PLEKHA2: variants seen among roughly 807,000 people sequenced by gnomAD.
The protein encoded by PLEKHA2 is pleckstrin homology domain containing A2.
A neutral mutation model predicts 53.2 loss-of-function variants in PLEKHA2; 28 were observed. The ratio of observed to expected loss-of-function variants is 0.53; its 90% CI spans 0.39 to 0.72. The LOEUF is 0.72. PLEKHA2 is among the 30% of genes least tolerant of loss of function. The probability of loss-of-function intolerance (pLI) is 0.00; values close to 1 mark genes in which losing one functional copy is unlikely to be tolerated. For missense variants in PLEKHA2, 426 were observed against 537.9 expected, an observed-to-expected ratio of 0.79 and a Z score of 2.06; for synonymous variants, 193 against 196.4, an observed-to-expected ratio of 0.98 and a Z score of 0.14.
At chr8:38,920,684 C>T (rs1834169967) in intron 2 of PLEKHA2, among the ~76,000 whole-genome samples, 1 of 152,024 alleles carries the variant, frequency 6.6e-6, no homozygotes. Flanking sequence ...CCTCAGCCTC[C>T]CATGTAGCTG....
chr8:38,934,070 TG>T (rs1014466226), intron 2 of PLEKHA2, among the ~76,000 whole-genome samples: 1 of 151,840 alleles, frequency 6.6e-6, no homozygotes. Flanking sequence ...TTTAGATAGG[TG>T]GGGTTAGAAG....
intron 3 of PLEKHA2, among the ~76,000 whole-genome samples, chr8:38,936,977 C>T (rs1834507173): frequency 6.6e-6 from 1 of 152,176 alleles, no homozygotes; most frequent in Non-Finnish European, 1.5e-5. Flanking sequence ...CCTGGGGGCC[C>T]CTGAGCCAAG....
At position 38,962,999 on chromosome 8, in the gene PLEKHA2, G is replaced by A. The variant is rs182223044; in HGVS notation, c.838-5593G>A. Among the ~76,000 whole-genome samples, 164 of 152,320 alleles carry A rather than the reference G, an allele frequency of 1.1e-3. 1 individual carries two copies. The highest frequency in any genetic ancestry group is 3.9e-3 in the African/African-American group (162 of 41,576). On this transcript the variant is annotated intron_variant, in intron 10 of 11. Coordinates refer to ENST00000617275, the MANE Select transcript of PLEKHA2 (RefSeq NM_021623.2). ...TTGCAGAGGTGGAGAACAGAATGAA[G>A]GAGGAGTTGCCTAAAAATTTTGGAT... is the stretch of plus-strand genomic sequence containing the variant.
intron 1 of PLEKHA2, among the ~76,000 whole-genome samples, chr8:38,908,337 A>G (rs538742441): frequency 6.6e-6 from 1 of 152,336 alleles, no homozygotes; most frequent in Non-Finnish European, 1.5e-5. Flanking sequence ...GCAGGTAGAT[A>G]TCTGGCTCTT....
intron 2 of PLEKHA2, among the ~76,000 whole-genome samples, chr8:38,924,540 T>G (rs763637353): frequency 6.6e-6 from 1 of 152,192 alleles, no homozygotes; most frequent in Non-Finnish European, 1.5e-5. Context: ...GGGTGAGTCA[T>G]GCCTCAGCCT....
rs1835262007 is a variant in PLEKHA2 at position 38,972,134 on chromosome 8, C to T, written c.*2351C>T. On this transcript the variant is annotated 3_prime_UTR_variant, in exon 12 of 12. Coordinates refer to ENST00000617275, the MANE Select transcript of PLEKHA2 (RefSeq NM_021623.2). ...GACTGTCAAATGGAAATCTTCTTGT[C>T]AATTGGCAAACACTTGGGAATTCCA... 6.6e-6 allele frequency: 1 copy of T among 151,976 alleles called. No individual in the cohort carries two copies. 9.4% of individuals were successfully genotyped at this position (151,976 alleles called of 1,614,324 possible).
chr8:38,935,377 A>G (rs753599034), intron 2 of PLEKHA2, among the ~76,000 whole-genome samples: 10 of 151,912 alleles, frequency 6.6e-5, no homozygotes, highest in Non-Finnish European at 1.3e-4. Context: ...TATTTTACAG[A>G]AGGAAAAACT....
At chr8:38,959,096 A>G (rs752916899) in intron 10 of PLEKHA2, among the ~76,000 whole-genome samples, 8 of 152,152 alleles carry the variant, frequency 5.3e-5, no homozygotes, top group Non-Finnish European at 1.2e-4. Context: ...AGTAATCGAA[A>G]TGTATTACAG....
chr8:38,932,711 G>C (rs1834416441), intron 2 of PLEKHA2, among the ~76,000 whole-genome samples: 2 of 152,234 alleles, frequency 1.3e-5, no homozygotes, highest in Non-Finnish European at 2.9e-5. Context: ...AGTGGACCCT[G>C]AGCGTCACTT....
At chr8:38,942,324 G>A (rs1040889324) in intron 3 of PLEKHA2, among the ~76,000 whole-genome samples, 2 of 152,144 alleles carry the variant, frequency 1.3e-5, no homozygotes, top group African/African-American at 4.8e-5. Flanking sequence ...GATCACTTCA[G>A]TCTGAGAAGT....
chr8:38,934,410 C>T (rs9650345), intron 2 of PLEKHA2, among the ~76,000 whole-genome samples: 8,876 of 152,156 alleles, frequency 0.058, 308 homozygotes, highest in East Asian at 0.13. Flanking sequence ...GAGAGGACCC[C>T]AGGTAATGGG....
At chr8:38,942,474 T>G (rs1371952734) in intron 3 of PLEKHA2, among the ~76,000 whole-genome samples, 2 of 151,860 alleles carry the variant, frequency 1.3e-5, no homozygotes, top group African/African-American at 4.8e-5. Context: ...CACAAACAAA[T>G]AAAATAAAGT....
rs1834807054 is a variant in PLEKHA2 at position 38,950,397 on chromosome 8, C to T, written c.346-453C>T. Among the ~76,000 whole-genome samples, 3 of 152,336 alleles carry T rather than the reference C, an allele frequency of 2.0e-5. No homozygotes were observed. In the East Asian group the frequency reaches 5.8e-4, roughly 29 times the overall value. ...TCTCCCTGCCTTCTCCTCTAGAGAC[C>T]TCCCTGCCCACTCTGTTTCCAGCAG... On this transcript the variant is annotated intron_variant, in intron 5 of 11. Transcript: ENST00000617275.
At chr8:38,960,892 A>C (rs2129423951) in intron 10 of PLEKHA2, 1 of 152,372 alleles carries the variant, frequency 6.6e-6, no homozygotes, top group Middle Eastern at 3.4e-3. Flanking sequence ...TCCATTGGTC[A>C]ATTTTGCACT....
chr8:38,913,107 T>C (rs1175080706), intron 1 of PLEKHA2, among the ~76,000 whole-genome samples: 1 of 152,174 alleles, frequency 6.6e-6, no homozygotes, highest in Non-Finnish European at 1.5e-5. Flanking sequence ...CTCATGCCTG[T>C]AATCCCAGCA....
At chr8:38,936,858 G>A (rs1003431065) in intron 3 of PLEKHA2, among the ~76,000 whole-genome samples, 18 of 152,220 alleles carry the variant, frequency 1.2e-4, no homozygotes, top group Admixed American at 6.5e-4. Context: ...GTGGCACCCC[G>A]CCAGCACTGA....
chr8:38,956,926 A>G (rs1834951815), intron 9 of PLEKHA2, among the ~76,000 whole-genome samples: 1 of 152,184 alleles, frequency 6.6e-6, no homozygotes, highest in Non-Finnish European at 1.5e-5. Flanking sequence ...ATAATCTACA[A>G]AAAAGCACCC....
intron 2 of PLEKHA2, among the ~76,000 whole-genome samples, chr8:38,932,747 G>A (rs1834416948): frequency 6.6e-6 from 1 of 152,242 alleles, no homozygotes; most frequent in East Asian, 1.9e-4. Context: ...GGATCCTGGG[G>A]CTGTTTTCTC....
chr8:38,933,258 A>G (rs988447806), intron 2 of PLEKHA2, among the ~76,000 whole-genome samples: 5 of 152,098 alleles, frequency 3.3e-5, no homozygotes, highest in African/African-American at 4.8e-5. Context: ...CGGGACTCCA[A>G]TAGGAGGGGT....
Sources: gnomAD v4.1 joint callset for allele counts (sites outside exome capture counted in the v4.1 genomes callset) on GRCh38, gnomAD v4.1.1 for gene constraint, MANE v1.5 for transcripts, NCBI Gene and HGNC (gene_info 2026-07-23, HGNC 2026-07-21) for gene names.